Variants in ZBTB7C observed in about 807,000 individuals in gnomAD.
The protein encoded by ZBTB7C is zinc finger and BTB domain-containing protein 7C.
A neutral mutation model predicts 25.7 loss-of-function variants in ZBTB7C; 8 were observed. The ratio of observed to expected loss-of-function variants is 0.31; its 90% confidence interval spans 0.18 to 0.56. The LOEUF is 0.56. ZBTB7C is among the 20% of genes least tolerant of loss of function. The pLI, the probability that ZBTB7C is intolerant of heterozygous loss-of-function variation, is 0.91. For synonymous variants in ZBTB7C, 394 were observed against 369.0 expected (o/e 1.07, Z -0.78); for missense variants, 824 against 855.2 (o/e 0.96, Z 0.46).
At chr18:48,169,343 C>T (rs903532592) in intron 3 of ZBTB7C, among the ~76,000 whole-genome samples, 2 of 152,106 alleles carry the variant, frequency 1.3e-5, no homozygotes, top group Admixed American at 6.5e-5. Flanking sequence ...TGTTACTTAA[C>T]GGTTTCAGCT....
chr18:48,323,350 T>A (rs1422018800), intron 2 of ZBTB7C, among the ~76,000 whole-genome samples: 1 of 152,216 alleles, frequency 6.6e-6, no homozygotes, highest in African/African-American at 2.4e-5. Context: ...CAGGTTTTCT[T>A]ATATAATCCT....
intron 3 of ZBTB7C, among the ~76,000 whole-genome samples, chr18:48,136,200 C>T (rs1441884772): frequency 2.0e-5 from 3 of 152,156 alleles, no homozygotes; most frequent in Admixed American, 2.0e-4. Flanking sequence ...GTGGGTGACG[C>T]CGGCCCGGGC....
At chr18:48,117,058 G>T (rs1480303804) in intron 3 of ZBTB7C, among the ~76,000 whole-genome samples, 1 of 152,044 alleles carries the variant, frequency 6.6e-6, no homozygotes, top group African/African-American at 2.4e-5. Context: ...ATGCAGCTGG[G>T]CTGGGCGTGG....
intron 2 of ZBTB7C, among the ~76,000 whole-genome samples, chr18:48,238,474 G>C (rs549206239): frequency 1.3e-5 from 2 of 152,360 alleles, no homozygotes; most frequent in African/African-American, 4.8e-5. Flanking sequence ...AAGTGTGTGA[G>C]AGGGAAAGTC....
chr18:48,290,293 G>A (rs1050598255), intron 2 of ZBTB7C, among the ~76,000 whole-genome samples: 18 of 152,316 alleles, frequency 1.2e-4, no homozygotes, highest in African/African-American at 4.3e-4. Flanking sequence ...AAGCCAAAGT[G>A]CCCCAGCCTC....
At chr18:48,281,448 A>G (rs572168137) in intron 2 of ZBTB7C, among the ~76,000 whole-genome samples, 10 of 152,080 alleles carry the variant, frequency 6.6e-5, no homozygotes, top group African/African-American at 2.2e-4. Context: ...ACAAAAGCCA[A>G]AATTGACAAA....
At chr18:48,228,363 G>C (rs1009027011) in intron 2 of ZBTB7C, among the ~76,000 whole-genome samples, 21 of 152,160 alleles carry the variant, frequency 1.4e-4, no homozygotes, top group Non-Finnish European at 2.2e-4. Context: ...CCCTTCCCAA[G>C]CCTGCCTCTG....
chr18:48,166,832 A>C (rs1414045496), intron 3 of ZBTB7C, among the ~76,000 whole-genome samples: 5 of 152,168 alleles, frequency 3.3e-5, no homozygotes, highest in Non-Finnish European at 7.4e-5. Context: ...CACTGGAACA[A>C]GCCTCTGGCA....
intron 3 of ZBTB7C, among the ~76,000 whole-genome samples, chr18:48,123,675 A>T (rs532727387): frequency 6.6e-6 from 1 of 152,328 alleles, no homozygotes; most frequent in Non-Finnish European, 1.5e-5. Flanking sequence ...CCTTTCAAAC[A>T]GGGAAAACAA....
intron 2 of ZBTB7C, among the ~76,000 whole-genome samples, chr18:48,257,327 C>G (rs1322124532): frequency 1.3e-5 from 2 of 151,998 alleles, no homozygotes; most frequent in Admixed American, 1.3e-4. Context: ...TACCCAATAA[C>G]AGAGCTTTGA....
chr18:48,124,867 T>A (rs993498673), intron 3 of ZBTB7C, among the ~76,000 whole-genome samples: 1 of 152,144 alleles, frequency 6.6e-6, no homozygotes, highest in Admixed American at 6.5e-5. Context: ...TCTCTCCACC[T>A]CTCTGCTCTG....
intron 3 of ZBTB7C, among the ~76,000 whole-genome samples, chr18:48,066,074 T>G (rs1308697927): frequency 2.0e-5 from 3 of 152,242 alleles, no homozygotes; most frequent in Admixed American, 6.5e-5. Flanking sequence ...ATGTGGTATC[T>G]GCTCTCTCCT....
chr18:48,077,378 T>C (rs1336969028), intron 3 of ZBTB7C, among the ~76,000 whole-genome samples: 1 of 152,156 alleles, frequency 6.6e-6, no homozygotes, highest in Non-Finnish European at 1.5e-5. Context: ...AACACCCTAC[T>C]GGTGATTCAA....
intron 2 of ZBTB7C, among the ~76,000 whole-genome samples, chr18:48,231,001 C>T (rs1012691616): frequency 1.2e-4 from 18 of 152,178 alleles, no homozygotes; most frequent in African/African-American, 4.3e-4. Context: ...TGCCTCGGCC[C>T]CCTCTGGACT....
intron 1 of ZBTB7C, among the ~76,000 whole-genome samples, chr18:48,369,988 C>A (rs2047348217): frequency 6.6e-6 from 1 of 152,074 alleles, no homozygotes; most frequent in Non-Finnish European, 1.5e-5. Flanking sequence ...CAGATCATAT[C>A]CTGGGCCATA....
rs2036618040 is a variant in ZBTB7C at position 48,049,947 on chromosome 18, CCA to C, written c.-16-8826_-16-8825del. ...CCACTATCCCGGAAGCTGTCCCCAC[CCA>C]GTCTCCAGCCTCCACCTCCTCCCAT... On this transcript the variant is annotated intron_variant, in intron 3 of 4. Coordinates refer to ENST00000590800, the MANE Select transcript of ZBTB7C (RefSeq NM_001318841.2). Among the ~76,000 whole-genome samples the C allele has an allele frequency of 3.3e-5, 5 of 152,196 alleles. No homozygotes were observed. In the South Asian group the frequency reaches 1.0e-3, roughly 32 times the overall value.
chr18:48,258,611 C>A (rs1025732130), intron 2 of ZBTB7C, among the ~76,000 whole-genome samples: 1 of 152,130 alleles, frequency 6.6e-6, no homozygotes, highest in African/African-American at 2.4e-5. Context: ...TGTCAATTAT[C>A]CCCCAAATTG....
At chr18:48,097,399 T>C (rs1467373035) in intron 3 of ZBTB7C, among the ~76,000 whole-genome samples, 4 of 150,580 alleles carry the variant, frequency 2.7e-5, no homozygotes, top group African/African-American at 9.8e-5. Context: ...TTATTATTAT[T>C]ATTATTATTA....
chr18:48,377,021 GGGTTCCCAGAAAGAA>G (rs1378406335), intron 1 of ZBTB7C, among the ~76,000 whole-genome samples: 2 of 152,182 alleles, frequency 1.3e-5, no homozygotes, highest in African/African-American at 4.8e-5. Context: ...CTGAGAAAGA[GGGTTCCCAGAAAGAA>G]TCCAGGGGCT....
Sources: allele counts gnomAD v4.1 joint callset (sites outside exome capture counted in the v4.1 genomes callset), GRCh38; gene constraint gnomAD v4.1.1; transcripts MANE v1.5; gene names NCBI Gene and HGNC (gene_info 2026-07-23, HGNC 2026-07-21).